Variants in HSPG2 observed in about 807,000 individuals in gnomAD.
HSPG2 encodes heparan sulfate proteoglycan 2.
In HSPG2, 278 loss-of-function variants were observed where a neutral mutation model predicts 526.6. That is an observed-to-expected ratio of 0.53 (90% CI 0.48 to 0.58). The LOEUF is 0.58. Ranked by LOEUF, HSPG2 falls within the 20% of genes least tolerant of loss-of-function variation. The pLI, the probability that HSPG2 is intolerant of heterozygous loss-of-function variation, is 0.00. For synonymous variants in HSPG2, 2,465 were observed against 2,555.4 expected (o/e 0.96, Z 1.07); for missense variants, 5,354 against 6,099.5 (o/e 0.88, Z 4.07).
Position 21,824,861 on chromosome 1 carries a change from A to C in HSPG2, c.12590-82T>G. On this transcript the variant is annotated intron_variant, in intron 91 of 96. Coordinates refer to ENST00000374695, the MANE Select transcript of HSPG2 (RefSeq NM_005529.7). This position sits in a 1 kb window ranked among gnomAD's most constrained non-coding sequence, Gnocchi z 5.9. ...GTCAGTTCCCCTGACCCCCACCTCC[A>C]CGCCAACATGCAGGACTAGGGGGCT... 7.9e-7 allele frequency: 1 copy of C among 1,272,244 alleles called. No homozygotes were observed. The highest frequency in any genetic ancestry group is 1.1e-6 in the Non-Finnish European group (1 of 893,032). The allele number at this position is 1,272,244 out of a possible 1,614,324, so 78.8% of individuals were successfully genotyped here. A position where few individuals can be genotyped will look rare whatever the true frequency, so the allele number is the denominator to read the frequency against.
At chr1:21,924,564 A>G (rs915993751) in intron 1 of HSPG2, among the ~76,000 whole-genome samples, 1 of 152,002 alleles carries the variant, frequency 6.6e-6, no homozygotes, top group African/African-American at 2.4e-5. Flanking sequence ...CCAACAAACA[A>G]GAAAGGAGCC....
intron 1 of HSPG2, among the ~76,000 whole-genome samples, chr1:21,926,529 G>A (rs1002133878): frequency 2.6e-5 from 4 of 152,090 alleles, no homozygotes; most frequent in African/African-American, 9.7e-5. Flanking sequence ...GAGGCATGTG[G>A]ATCACCTGAG....
rs886046031 is a variant in HSPG2, at chr1:21,850,354, G to T, written c.7294+9C>A. On this transcript the variant is annotated intron_variant, in intron 56 of 96. Coordinates refer to ENST00000374695, the MANE Select transcript of HSPG2 (RefSeq NM_005529.7). ...GTCCCCAGCCCTGCCCTCCCTGAGA[G>T]CTACTCACCAGGCACTGAGCCCGCA... 34 of 1,604,446 alleles carry T rather than the reference G, an allele frequency of 2.1e-5. No homozygotes were observed. The highest frequency in any genetic ancestry group is 2.5e-5 in the Non-Finnish European group (29 of 1,175,772).
chr1:21,842,182 G>A (rs1310462053), intron 68 of HSPG2, 40 bp from the exon 69 acceptor site: 3 of 1,612,976 alleles, frequency 1.9e-6, no homozygotes, highest in African/African-American at 1.3e-5. Flanking sequence ...CAGCAGGGGT[G>A]GGCTTAGCTT....
chr1:21,875,230 T>C, intron 25 of HSPG2: 1 of 610,320 alleles, frequency 1.6e-6, no homozygotes, highest in Non-Finnish European at 2.9e-6. Flanking sequence ...ACCACCTCGT[T>C]CCCCTGGGGT....
Position 21,884,753 on chromosome 1 carries a change from C to T in HSPG2, c.1507+14G>A, listed in dbSNP as rs1641760466. 1 of 1,612,918 alleles carries T rather than the reference C, an allele frequency of 6.2e-7. No individual in the cohort carries two copies. The highest frequency in any genetic ancestry group is 1.1e-5 in the South Asian group (1 of 91,066). ...CTGCCCCCACACCCGGTGACACCTGCCCTCCGGCAGTACCTCGTTGTGGGA... is the reference window on the plus strand; with the variant it reads ...CTGCCCCCACACCCGGTGACACCTGTCCTCCGGCAGTACCTCGTTGTGGGA... On this transcript the variant is annotated intron_variant, in intron 12 of 96. Transcript: ENST00000374695.
At chr1:21,873,854 TG>T in intron 29 of HSPG2, 70 bp downstream of exon 29, 1 of 1,353,462 alleles carries the variant, frequency 7.4e-7, no homozygotes, top group Admixed American at 2.1e-5. Context: ...TTGGGAGCGC[TG>T]GGCCCTGCCT....
chr1:21,835,983 CAAAAAAAAAA>C, intron 75 of HSPG2, among the ~76,000 whole-genome samples: 1 of 75,802 alleles, frequency 1.3e-5, no homozygotes, highest in Admixed American at 1.6e-4. Flanking sequence ...GATTCCATCT[CAAAAAAAAAA>C]AAAAAAAAAA....
In HSPG2 at chr1:21,831,015, A is replaced by G; in HGVS notation, c.11638T>C (p.Cys3880Arg). ...CAGTGCAGGGCCTGCGAGTGCTCAC[A>G]GCGGCTCCCGGTGAAGCCAGCTGGG... Reference protein sequence around the residue: ...VCPAGFTGSRCEHSQALHCHP... With the variant: ...VCPAGFTGSRREHSQALHCHP... The change falls in exon 85 of 97, where the codon TGT (cysteine) becomes CGT (arginine). Residue 3880 changes from cysteine (C) to arginine (R), a missense_variant. Cys to Arg is a radical substitution (Grantham distance 180). Transcript: ENST00000374695. The G allele has an allele frequency of 6.3e-7, 1 of 1,589,768 alleles. No homozygotes were observed. The highest frequency in any genetic ancestry group is 8.6e-7 in the Non-Finnish European group (1 of 1,168,246).
chr1:21,884,378 T>C, intron 13 of HSPG2, 150 bp downstream of exon 13: 1 of 1,126,464 alleles, frequency 8.9e-7, no homozygotes, highest in Non-Finnish European at 1.3e-6. Flanking sequence ...CCCCCCGAAA[T>C]GCTTTTTTGA....
intron 29 of HSPG2, 22 bp downstream of exon 29, chr1:21,873,903 C>T: frequency 4.5e-6 from 7 of 1,554,078 alleles, no homozygotes; most frequent in Non-Finnish European, 6.1e-6. Flanking sequence ...CATCCCCCCA[C>T]CCTCTCCACC....
chr1:21,880,050 C>T (rs1572341884), intron 17 of HSPG2, 57 bp downstream of exon 17: 2 of 1,595,600 alleles, frequency 1.3e-6, no homozygotes, highest in East Asian at 4.5e-5. Context: ...CACAGGGAAT[C>T]TCACACATTG....
At chr1:21,869,386 T>A in intron 33 of HSPG2, 1 of 939,332 alleles carries the variant, frequency 1.1e-6, no homozygotes. Context: ...TCACAGAAAT[T>A]GGTGAAGTTG....
At chr1:21,861,919 G>C (rs1429990130) in intron 38 of HSPG2, 69 bp downstream of exon 38, 8 of 1,613,444 alleles carry the variant, frequency 5.0e-6, no homozygotes, top group Admixed American at 1.7e-5. Context: ...TGCCCCAAAA[G>C]CCAGTGCAAC....
At position 21,846,603 on chromosome 1, in the gene HSPG2, G is replaced by C; in HGVS notation, c.8165-4C>G. ...ATGGGCATGGAGCTGCCAGGGGCTG[G>C]GGGAACAGAGATCAGTGAGTCGGCA... is the stretch of plus-strand genomic sequence containing the variant. On this transcript the variant is annotated splice_region_variant and splice_polypyrimidine_tract_variant and intron_variant, in intron 62 of 96. Transcript: ENST00000374695. The C allele has an allele frequency of 6.2e-7, 1 of 1,613,516 alleles. No individual in the cohort carries two copies. Among genetic ancestry groups the C allele is most frequent in the Non-Finnish European group, 8.5e-7 (1 of 1,180,022 alleles).
At position 21,855,930 on chromosome 1, in the gene HSPG2, G is replaced by T; in HGVS notation, c.5576-18C>A. The T allele has an allele frequency of 6.2e-7, 1 of 1,605,404 alleles. No individual in the cohort carries two copies. ...GCCCGAGGCTGACAAGGGAGGAAAA[G>T]GAACATGCACTCAGGGTGGGGAGTG... On this transcript the variant is annotated intron_variant, in intron 44 of 96. Transcript: ENST00000374695.
chr1:21,884,429 A>C lies in HSPG2; in HGVS notation c.1654+99T>G, dbSNP rs1027869020. The C allele has an allele frequency of 4.6e-6, 7 of 1,509,264 alleles. No homozygotes were observed. The African/African-American group carries it at 9.6e-5, about 21-fold the overall frequency. The allele number at this position is 1,509,264 out of a possible 1,614,324, so 93.5% of individuals were successfully genotyped here. A position where few individuals can be genotyped will look rare whatever the true frequency, so the allele number is the denominator to read the frequency against. The stretch of plus-strand genomic sequence containing the variant: ...CTTCAGCGACTCACATTCCTTCCCG[A>C]AACCTGGCCCCCTCTGTCCGCATCT... On this transcript the variant is annotated intron_variant, in intron 13 of 96. Coordinates refer to ENST00000374695, the MANE Select transcript of HSPG2 (RefSeq NM_005529.7).
rs1178533531 is a variant in HSPG2 at position 21,898,379 on chromosome 1, C to T, written c.64-2069G>A. ...TCCTGTTCCTTCTCCTCTCCCTGCC[C>T]TCTCCCTGTCCTCCTGAGTGCTGGC... On this transcript the variant is annotated intron_variant, in intron 1 of 96. Coordinates refer to ENST00000374695, the MANE Select transcript of HSPG2 (RefSeq NM_005529.7). The surrounding 1 kb of genome is among the most constrained non-coding windows in gnomAD (Gnocchi z 4.0). 6.6e-6 allele frequency among the ~76,000 whole-genome samples: 1 copy of T among 152,222 alleles called. No individual in the cohort carries two copies. Among genetic ancestry groups the T allele is most frequent in the Non-Finnish European group, 1.5e-5 (1 of 68,042 alleles).
intron 33 of HSPG2, among the ~76,000 whole-genome samples, chr1:21,867,624 C>A (rs1036179782): frequency 6.6e-6 from 1 of 152,130 alleles, no homozygotes; most frequent in Non-Finnish European, 1.5e-5. Flanking sequence ...GCTTGATAAC[C>A]CTGCAGTACT....
Sources: gnomAD v4.1 joint callset for allele counts (sites outside exome capture counted in the v4.1 genomes callset) on GRCh38, gnomAD v4.1.1 for gene constraint, Gnocchi (gnomAD v3.1) non-coding constraint, MANE v1.5 for transcripts, NCBI Gene and HGNC (gene_info 2026-07-23, HGNC 2026-07-21) for gene names.